The following MGAT4C variants were observed in gnomAD, a reference collection of about 807,000 sequenced individuals.
MGAT4C encodes MGAT4 family member C.
Under a neutral mutation model 40.1 loss-of-function variants are expected in MGAT4C, and 19 were observed. That is an observed-to-expected ratio of 0.47 (90% confidence interval 0.33 to 0.70). The LOEUF is 0.70. MGAT4C is among the 30% of genes least tolerant of loss of function. The pLI, the probability that MGAT4C is intolerant of heterozygous loss-of-function variation, is 0.02. For missense variants in MGAT4C, 491 were observed against 563.2 expected (o/e 0.87, Z 1.30); for synonymous variants, 181 against 187.1 (o/e 0.97, Z 0.27).
intron 1 of MGAT4C, among the ~76,000 whole-genome samples, chr12:86,219,110 G>A (rs1950781356): frequency 6.6e-6 from 1 of 152,224 alleles, no homozygotes; most frequent in Admixed American, 6.5e-5. Flanking sequence ...AACCCAGGAG[G>A]TGGAGGTTGC....
intron 2 of MGAT4C, among the ~76,000 whole-genome samples, chr12:86,664,995 A>G (rs1964067975): frequency 6.6e-6 from 1 of 152,098 alleles, no homozygotes; most frequent in Admixed American, 6.6e-5. Context: ...ATGATCATTG[A>G]AGCAATGTAA....
At chr12:86,547,758 G>A (rs764269311) in intron 2 of MGAT4C, among the ~76,000 whole-genome samples, 5 of 152,112 alleles carry the variant, frequency 3.3e-5, no homozygotes, top group Non-Finnish European at 5.9e-5. Context: ...CATGAATTTT[G>A]CTAAGTCTTG....
Position 85,970,865 on chromosome 12 carries a change from C to A in MGAT4C, c.*8424G>T. 1 of 151,074 alleles carries A rather than the reference C, an allele frequency of 6.6e-6. No homozygotes were observed. The highest frequency in any genetic ancestry group is 1.9e-4 in the East Asian group (1 of 5,172). The allele number at this position is 151,074 out of a possible 1,614,324, so 9.4% of individuals were successfully genotyped here. A position where few individuals can be genotyped will look rare whatever the true frequency, so the allele number is the denominator to read the frequency against. On this transcript the variant is annotated 3_prime_UTR_variant, in exon 5 of 5. Coordinates refer to ENST00000611864, the MANE Select transcript of MGAT4C (RefSeq NM_001351288.2). ...AGTTACTAAAAATGTATTTTCCTAC[C>A]TACATAATGTCAATCTCTATTGCTC...
chr12:86,390,254 A>G (rs1188140111), intron 3 of MGAT4C, among the ~76,000 whole-genome samples: 4 of 152,250 alleles, frequency 2.6e-5, no homozygotes, highest in Non-Finnish European at 5.9e-5. Context: ...CTATTGTTGT[A>G]TAAATCATAA....
At chr12:86,767,982 C>T (rs2136163497) in intron 1 of MGAT4C, among the ~76,000 whole-genome samples, 1 of 152,302 alleles carries the variant, frequency 6.6e-6, no homozygotes. Flanking sequence ...TCTCTCACCA[C>T]TCCTATTCAA....
rs1329583662 is a variant in MGAT4C at position 85,979,573 on chromosome 12, T to G, written c.1153A>C (p.Asn385His). The change falls in exon 5 of 5, where the codon AAT (asparagine) becomes CAT (histidine). Residue 385 changes from asparagine to histidine, a missense_variant. By Grantham distance (68) the Asn-to-His change is moderately conservative. Transcript: ENST00000611864. The part of the protein sequence containing the change: ...TGDVFVIVFE[N>H]PIIIKKIKVN... ...TTAATTTTTTTTATTATAATTGGATTTTCAAATACAATCACAAAAACATCT... is the reference window on the plus strand; with the variant it reads ...TTAATTTTTTTTATTATAATTGGATGTTCAAATACAATCACAAAAACATCT... 1 of 1,607,576 alleles carries G rather than the reference T, an allele frequency of 6.2e-7. No homozygotes were observed. The highest frequency in any genetic ancestry group is 8.5e-7 in the Non-Finnish European group (1 of 1,177,534).
Position 85,988,035 on chromosome 12 carries a change from T to G in MGAT4C, c.147+1365A>C, listed in dbSNP as rs572554398. Among the ~76,000 whole-genome samples the G allele has an allele frequency of 1.1e-4, 16 of 152,288 alleles. No homozygotes were observed. In the South Asian group the frequency reaches 3.1e-3, roughly 30 times the overall value. ...GCCTTGTTCTGTTGTCCTTATTATA[T>G]CTCATATAACTAATAGGTTTTAAAA... On this transcript the variant is annotated intron_variant, in intron 3 of 4. Transcript: ENST00000611864.
chr12:86,461,253 T>C (rs1282435547), intron 2 of MGAT4C, among the ~76,000 whole-genome samples: 1 of 149,216 alleles, frequency 6.7e-6, no homozygotes, highest in African/African-American at 2.5e-5. Context: ...TTTTTTTTTT[T>C]TTTGAGACGG....
At chr12:86,794,228 G>T (rs1199710562) in intron 1 of MGAT4C, among the ~76,000 whole-genome samples, 1 of 151,632 alleles carries the variant, frequency 6.6e-6, no homozygotes, top group Non-Finnish European at 1.5e-5. Flanking sequence ...TATTGTGGGT[G>T]ACTGTATGTT....
chr12:86,300,375 C>T (rs148330194), intron 4 of MGAT4C, among the ~76,000 whole-genome samples: 4 of 152,218 alleles, frequency 2.6e-5, no homozygotes, highest in African/African-American at 9.6e-5. Context: ...ATGAAACAGA[C>T]TTAGGAAACT....
At chr12:86,557,924 A>G (rs1021948956) in intron 2 of MGAT4C, among the ~76,000 whole-genome samples, 1 of 152,146 alleles carries the variant, frequency 6.6e-6, no homozygotes, top group Non-Finnish European at 1.5e-5. Context: ...ATATTAAGGA[A>G]ACTCAGTGAG....
At chr12:86,738,640 C>T (rs889133820) in intron 1 of MGAT4C, among the ~76,000 whole-genome samples, 6 of 151,128 alleles carry the variant, frequency 4.0e-5, no homozygotes, top group East Asian at 1.9e-4. Context: ...ACATATTGTT[C>T]GATTTTATTA....
chr12:86,383,155 A>G (rs1311125153), intron 3 of MGAT4C, among the ~76,000 whole-genome samples: 2 of 152,190 alleles, frequency 1.3e-5, no homozygotes, highest in East Asian at 1.9e-4. Flanking sequence ...CTGCAAAGCC[A>G]TAGAGGTAGA....
chr12:86,097,967 C>A (rs1179717123), intron 1 of MGAT4C, among the ~76,000 whole-genome samples: 1 of 151,548 alleles, frequency 6.6e-6, no homozygotes, highest in African/African-American at 2.4e-5. Flanking sequence ...GGGTAGCAAC[C>A]TGTCATTTGA....
intron 2 of MGAT4C, among the ~76,000 whole-genome samples, chr12:86,538,127 T>A (rs1392749476): frequency 6.6e-6 from 1 of 152,084 alleles, no homozygotes; most frequent in Admixed American, 6.6e-5. Flanking sequence ...AAAAAATTTA[T>A]TTGTATTTGA....
intron 1 of MGAT4C, among the ~76,000 whole-genome samples, chr12:86,240,830 A>C (rs1054691441): frequency 6.6e-6 from 1 of 152,278 alleles, no homozygotes; most frequent in Non-Finnish European, 1.5e-5. Flanking sequence ...GCTGCATATC[A>C]ACGTTGCCTG....
chr12:86,692,993 C>T (rs1210482731), intron 2 of MGAT4C, among the ~76,000 whole-genome samples: 2 of 152,080 alleles, frequency 1.3e-5, no homozygotes, highest in Non-Finnish European at 2.9e-5. Flanking sequence ...AGTGGCCTGA[C>T]GGAGTGGTCC....
intron 2 of MGAT4C, among the ~76,000 whole-genome samples, chr12:86,639,277 T>C (rs1295823878): frequency 6.6e-6 from 1 of 151,780 alleles, no homozygotes; most frequent in African/African-American, 2.4e-5. Context: ...ATTTACATTT[T>C]ACATCAGGCA....
At chr12:86,356,202 A>G (rs1301572870) in intron 3 of MGAT4C, among the ~76,000 whole-genome samples, 1 of 152,220 alleles carries the variant, frequency 6.6e-6, no homozygotes, top group East Asian at 1.9e-4. Context: ...GCTTAAAAGT[A>G]TCAATACAGT....
Sources: allele counts gnomAD v4.1 joint callset (sites outside exome capture counted in the v4.1 genomes callset), GRCh38; gene constraint gnomAD v4.1.1; transcripts MANE v1.5; gene names NCBI Gene and HGNC (gene_info 2026-07-23, HGNC 2026-07-21).